The following SLC18A2 variants were observed in gnomAD, a reference collection of about 807,000 sequenced individuals.
SLC18A2 encodes the protein solute carrier family 18 member A2.
A neutral mutation model predicts 59.2 loss-of-function variants in SLC18A2; 33 were observed. The observed-to-expected ratio is 0.56, with a 90% CI of 0.42 to 0.75. The LOEUF (loss-of-function observed/expected upper bound fraction) is 0.75. Ranked by LOEUF, SLC18A2 falls within the 30% of genes least tolerant of loss-of-function variation. The probability of loss-of-function intolerance (pLI) is 0.00; values close to 1 mark genes in which losing one functional copy is unlikely to be tolerated. For synonymous variants in SLC18A2, 228 were observed against 253.5 expected, an observed-to-expected ratio of 0.90 and a Z score of 0.95; for missense variants, 569 against 668.6, an observed-to-expected ratio of 0.85 and a Z score of 1.64.
In SLC18A2 at chr10:117,266,730, C is replaced by T. The variant is rs758135927; in HGVS notation, c.992-3C>T. On this transcript the variant is annotated splice_region_variant and splice_polypyrimidine_tract_variant and intron_variant, in intron 10 of 15. Coordinates refer to ENST00000644641, the MANE Select transcript of SLC18A2 (RefSeq NM_003054.6). ...ATAAGGTCTCCTTTTCATAAATTTA[C>T]AGGCGTTGCCTTCTTGCCAGCTAGT... The T allele has an allele frequency of 1.4e-5, 23 of 1,610,506 alleles. No homozygotes were observed. The highest frequency in any genetic ancestry group is 1.9e-5 in the Non-Finnish European group (22 of 1,177,810).
Position 117,267,708 on chromosome 10 carries a change from T to C in SLC18A2, c.1158T>C (p.Ala386=). ...PFAKNIYGLI[A]PNFGVGFAIG... ...CAAAAAACATTTATGGACTCATAGC[T>C]CCGAACTTTGGAGTTGGTTTTGCAA... Residue 386 remains alanine (A), a synonymous_variant, in exon 13 of 16, where the codon GCT becomes GCC. Transcript: ENST00000644641. 1 of 1,569,218 alleles carries C rather than the reference T, an allele frequency of 6.4e-7. No individual in the cohort carries two copies. Among genetic ancestry groups the C allele is most frequent in the Non-Finnish European group, 8.7e-7 (1 of 1,145,178 alleles).
chr10:117,254,549 T>C (rs1589980104), intron 6 of SLC18A2, 52 bp downstream of exon 6: 1 of 1,377,638 alleles, frequency 7.3e-7, no homozygotes, highest in East Asian at 2.3e-5. Context: ...TGCCTGGTGC[T>C]GGACAGCGGC....
At position 117,279,012 on chromosome 10, in the gene SLC18A2, C is replaced by A. The variant is rs953873886; in HGVS notation, c.*1746C>A. 1 of 152,192 alleles carries A rather than the reference C, an allele frequency of 6.6e-6. No individual in the cohort carries two copies. The highest frequency in any genetic ancestry group is 2.4e-5 in the African/African-American group (1 of 41,454). The allele number at this position is 152,192 out of a possible 1,614,324, so 9.4% of individuals were successfully genotyped here. ...TTCTCCCTGCCCCCAATACCATATA[C>A]TTTATTGCAATTTTATTTTTGCCTT... On this transcript the variant is annotated 3_prime_UTR_variant, in exon 16 of 16. Transcript: ENST00000644641.
rs1458425844 is a variant in SLC18A2, at chr10:117,244,220, T to A, written c.371T>A (p.Leu124His). 1 of 1,614,076 alleles carries A rather than the reference T, an allele frequency of 6.2e-7. No homozygotes were observed. The highest frequency in any genetic ancestry group is 8.5e-7 in the Non-Finnish European group (1 of 1,180,042). Residue 124 changes from leucine to histidine, a missense_variant, in exon 3 of 16, where the codon CTC (leucine) becomes CAC (histidine). Physicochemically the swap from Leu to His is moderately conservative, Grantham distance 99 (BLOSUM62 -3). Coordinates refer to ENST00000644641, the MANE Select transcript of SLC18A2 (RefSeq NM_003054.6). ...GACTGTCCCAGTGAAGACAAAGACC[T>A]CCTGAATGAAAACGTGCAAGTTGGT... ...PSDCPSEDKD[L>H]LNENVQVGLL...
At chr10:117,258,492 T>C (rs1460370739) in intron 10 of SLC18A2, among the ~76,000 whole-genome samples, 1 of 152,248 alleles carries the variant, frequency 6.6e-6, no homozygotes, top group Non-Finnish European at 1.5e-5. Flanking sequence ...GTGTGACCTC[T>C]TGTTTTTCCT....
intron 6 of SLC18A2, 42 bp from the exon 7 acceptor site, chr10:117,255,235 C>T: frequency 6.6e-7 from 1 of 1,525,216 alleles, no homozygotes; most frequent in Non-Finnish European, 9.1e-7. Context: ...AGGGAGAGGG[C>T]ATGTGTCCCA....
chr10:117,268,044 C>T (rs776860192), intron 13 of SLC18A2: 10 of 278,138 alleles, frequency 3.6e-5, no homozygotes, highest in Non-Finnish European at 6.2e-5. Context: ...TTTGTGGACT[C>T]CTCCCTATGA....
intron 2 of SLC18A2, among the ~76,000 whole-genome samples, chr10:117,243,372 C>A (rs1019740301): frequency 2.0e-5 from 3 of 152,200 alleles, no homozygotes; most frequent in African/African-American, 2.4e-5. Flanking sequence ...ATGACAGAAT[C>A]TCTGGGACCA....
At position 117,270,017 on chromosome 10, in the gene SLC18A2, C is replaced by A. The variant is rs200134033; in HGVS notation, c.1187-54C>A. On this transcript the variant is annotated intron_variant, in intron 13 of 15. Coordinates refer to ENST00000644641, the MANE Select transcript of SLC18A2 (RefSeq NM_003054.6). ...TAAGACACACTCCCTGATATTCGGC[C>A]CATTTTGGGTTTACATCCGTTTTCT... 6.4e-4 allele frequency: 1,032 copies of A among 1,601,610 alleles called. 18 individuals are homozygous for A. Among genetic ancestry groups the A allele is most frequent in the Non-Finnish European group, 1.3e-4 (149 of 1,171,342 alleles).
Position 117,254,399 on chromosome 10 carries a change from G to A in SLC18A2, c.608-6G>A. ...TGGCCTGTTGACTATTTCTTTCCCT[G>A]TGTAGGGATGGGCATGCTTGCCAGT... On this transcript the variant is annotated splice_region_variant and splice_polypyrimidine_tract_variant and intron_variant, in intron 5 of 15. Coordinates refer to ENST00000644641, the MANE Select transcript of SLC18A2 (RefSeq NM_003054.6). The A allele has an allele frequency of 1.3e-6, 2 of 1,579,580 alleles. No homozygotes were observed. Among genetic ancestry groups the A allele is most frequent in the Non-Finnish European group, 1.7e-6 (2 of 1,161,580 alleles).
intron 4 of SLC18A2, among the ~76,000 whole-genome samples, chr10:117,253,777 C>T (rs1251848246): frequency 6.6e-6 from 1 of 152,110 alleles, no homozygotes; most frequent in Non-Finnish European, 1.5e-5. Flanking sequence ...ACCTGGAAGA[C>T]GGAGGTTGCA....
At chr10:117,245,506 A>G (rs748975903) in intron 3 of SLC18A2, among the ~76,000 whole-genome samples, 13 of 152,248 alleles carry the variant, frequency 8.5e-5, no homozygotes, top group Non-Finnish European at 1.9e-4. Context: ...TAAGCAGGGT[A>G]GGTGGGCAGG....
intron 3 of SLC18A2, among the ~76,000 whole-genome samples, chr10:117,246,880 C>T (rs1844115191): frequency 6.6e-6 from 1 of 152,198 alleles, no homozygotes; most frequent in Non-Finnish European, 1.5e-5. Context: ...TGTCGAACTC[C>T]TGACCTCAGG....
chr10:117,266,450 G>T (rs952988043), intron 10 of SLC18A2, among the ~76,000 whole-genome samples: 16 of 152,202 alleles, frequency 1.1e-4, no homozygotes, highest in Non-Finnish European at 1.0e-4. Flanking sequence ...TGTTTGTATT[G>T]GCCCACGTGT....
chr10:117,253,939 A>G (rs1844194268), intron 4 of SLC18A2, 109 bp from the exon 5 acceptor site: 2 of 933,464 alleles, frequency 2.1e-6, no homozygotes, highest in Non-Finnish European at 3.4e-6. Context: ...CAGGGTGGCT[A>G]ACATGCAAAT....
At chr10:117,252,674 T>C (rs1844177965) in intron 3 of SLC18A2, among the ~76,000 whole-genome samples, 1 of 152,172 alleles carries the variant, frequency 6.6e-6, no homozygotes, top group African/African-American at 2.4e-5. Context: ...GTGTTAACAG[T>C]TTAACATCCA....
rs1358099445 is a variant in SLC18A2, at chr10:117,269,963, A to G, written c.1187-108A>G. ...CAAGACTTGCAGGTGGTGATGACAG[A>G]AGGGGAAGAGCTGGCAGGGTGGTGA... is the stretch of plus-strand genomic sequence containing the variant. On this transcript the variant is annotated intron_variant, in intron 13 of 15. Coordinates refer to ENST00000644641, the MANE Select transcript of SLC18A2 (RefSeq NM_003054.6). This position sits in a 1 kb window ranked among gnomAD's most constrained non-coding sequence, Gnocchi z 5.1. The G allele has an allele frequency of 4.4e-6, 6 of 1,348,606 alleles. No homozygotes were observed. Among genetic ancestry groups the G allele is most frequent in the Non-Finnish European group, 5.2e-6 (5 of 968,290 alleles). The allele number at this position is 1,348,606 out of a possible 1,614,324, so 83.5% of individuals were successfully genotyped here.
intron 3 of SLC18A2, among the ~76,000 whole-genome samples, chr10:117,250,459 A>G (rs549336256): frequency 2.0e-5 from 3 of 152,300 alleles, no homozygotes; most frequent in East Asian, 1.9e-4. Context: ...CCATACGTGC[A>G]TTGTTAAAAT....
chr10:117,243,975 C>T lies in SLC18A2; in HGVS notation c.126C>T (p.Pro42=). 1.2e-6 allele frequency: 2 copies of T among 1,611,628 alleles called. No individual in the cohort carries two copies. Among genetic ancestry groups the T allele is most frequent in the Non-Finnish European group, 1.7e-6 (2 of 1,178,264 alleles). Reference sequence around the variant, plus strand: ...CCATTCTGCTCTTATCCCCAGTCCCCATCATCCCAAGTTATCTGTACAGCA... The same window carrying T: ...CCATTCTGCTCTTATCCCCAGTCCCTATCATCCCAAGTTATCTGTACAGCA... ...LDNMLLTVVV[P]IIPSYLYSIK... is the part of the protein sequence containing the mutation. Residue 42 remains proline, a synonymous_variant, in exon 3 of 16, where the codon CCC becomes CCT. Coordinates refer to ENST00000644641, the MANE Select transcript of SLC18A2 (RefSeq NM_003054.6).
Sources: allele counts gnomAD v4.1 joint callset (sites outside exome capture counted in the v4.1 genomes callset), GRCh38; gene constraint gnomAD v4.1.1; non-coding constraint Gnocchi (gnomAD v3.1); transcripts MANE v1.5; gene names NCBI Gene and HGNC (gene_info 2026-07-23, HGNC 2026-07-21).